ZBED6: variants seen among roughly 807,000 people sequenced by gnomAD.
The protein encoded by ZBED6 is zinc finger BED domain-containing protein 6.
Under a neutral mutation model 58.4 loss-of-function variants are expected in ZBED6, and 40 were observed. The ratio of observed to expected loss-of-function variants is 0.68; its 90% CI spans 0.53 to 0.89. The LOEUF (loss-of-function observed/expected upper bound fraction) is 0.89, where lower values mean the gene tolerates loss of function less well. ZBED6 is among the 40% of genes least tolerant of loss of function. ZBED6 has a pLI of 0.00. For synonymous variants in ZBED6, 439 were observed against 350.6 expected (o/e 1.25, Z -2.82); for missense variants, 1,057 against 1,003.9 (o/e 1.05, Z -0.71).
exon 14 of ZBED6, chr1:203,850,010 G>C (rs780865480): frequency 1.2e-6 from 2 of 1,611,802 alleles, no homozygotes; most frequent in South Asian, 2.2e-5. Flanking sequence ...CACAGACCTT[G>C]GAAAAAAGGG....
intron 3 of ZBED6, among the ~76,000 whole-genome samples, chr1:203,820,355 T>TA (rs1678141219): frequency 6.6e-6 from 1 of 152,110 alleles, no homozygotes; most frequent in Non-Finnish European, 1.5e-5. Context: ...CCTTAACACT[T>TA]ATGGTAGCTA....
intron 3 of ZBED6, among the ~76,000 whole-genome samples, chr1:203,821,081 G>C (rs1678504375): frequency 6.6e-6 from 1 of 152,096 alleles, no homozygotes; most frequent in Non-Finnish European, 1.5e-5. Context: ...GTTAAGGGAG[G>C]GACCTGATGG....
At chr1:203,826,129 C>CTAAAAAATATGT (rs1680432301) in intron 3 of ZBED6, among the ~76,000 whole-genome samples, 5 of 152,122 alleles carry the variant, frequency 3.3e-5, no homozygotes, top group Non-Finnish European at 7.4e-5. Context: ...AATTGTTATT[C>CTAAAAAATATGT]CTGTCTAAAA....
At chr1:203,839,338 C>A (rs1379862031) in intron 10 of ZBED6, among the ~76,000 whole-genome samples, 23 of 152,282 alleles carry the variant, frequency 1.5e-4, no homozygotes, top group Non-Finnish European at 2.4e-4. Flanking sequence ...TATTGCGCCC[C>A]TCAGGGAATT....
intron 8 of ZBED6, 152 bp from the exon 9 acceptor site, chr1:203,833,639 T>TA (rs1295182507): frequency 2.6e-5 from 11 of 424,970 alleles, no homozygotes; most frequent in Admixed American, 4.5e-5. Context: ...TTTTTTTTGA[T>TA]ATAATGGCCT....
chr1:203,827,118 TG>T (rs2102978725), intron 3 of ZBED6, among the ~76,000 whole-genome samples: 1 of 152,306 alleles, frequency 6.6e-6, no homozygotes, highest in South Asian at 2.1e-4. Context: ...AGTATAGCAA[TG>T]GTTTATTCCT....
At chr1:203,844,252 C>T (rs1258887115) in intron 11 of ZBED6, among the ~76,000 whole-genome samples, 1 of 152,160 alleles carries the variant, frequency 6.6e-6, no homozygotes, top group Non-Finnish European at 1.5e-5. Flanking sequence ...ACCTCTGCCT[C>T]CCAGGTTAAA....
At chr1:203,810,352 T>A (rs570069689) in intron 1 of ZBED6, among the ~76,000 whole-genome samples, 1 of 152,142 alleles carries the variant, frequency 6.6e-6, no homozygotes, top group East Asian at 1.9e-4. Context: ...ATAAAGATGA[T>A]ATATAAAGAA....
chr1:203,813,200 T>G (rs1437348247), intron 1 of ZBED6, among the ~76,000 whole-genome samples: 1 of 151,302 alleles, frequency 6.6e-6, no homozygotes, highest in Non-Finnish European at 1.5e-5. Flanking sequence ...AATGTTTTTT[T>G]GTTTTTTGTT....
intron 6 of ZBED6, 37 bp downstream of exon 6, chr1:203,829,933 GTTGAAA>G: frequency 6.4e-7 from 1 of 1,564,524 alleles, no homozygotes; most frequent in Non-Finnish European, 8.8e-7. Flanking sequence ...TTATAGCACT[GTTGAAA>G]CTACCTTTGA....
At chr1:203,798,699 C>G in exon 1 of ZBED6, 2 of 1,536,054 alleles carry the variant, frequency 1.3e-6, no homozygotes, top group South Asian at 1.2e-5. Flanking sequence ...CACTCTGATG[C>G]GTGCGCAGGA....
intron 14 of ZBED6, 191 bp downstream of exon 14, chr1:203,850,217 T>G: frequency 1.5e-6 from 1 of 673,576 alleles, no homozygotes; most frequent in Non-Finnish European, 2.5e-6. Context: ...GAATTTAAAA[T>G]TGCTATTTAA....
chr1:203,804,157 T>G lies in ZBED6; in HGVS notation c.*2554+1141T>G, dbSNP rs868848106. On this transcript the variant is annotated intron_variant, in intron 1 of 16. Transcript: ENST00000550078. ...CATTTTCTTCCTGTATATGTGTTTT[T>G]TTTTTTTTTTTTGAGACAGAGTCTC... 5.3e-5 allele frequency among the ~76,000 whole-genome samples: 8 copies of G among 149,598 alleles called. No homozygotes were observed. The South Asian group carries it at 1.1e-3, about 20-fold the overall frequency.
exon 1 of ZBED6, chr1:203,800,292 C>T (rs1250220371): frequency 2.2e-6 from 2 of 922,060 alleles, no homozygotes; most frequent in East Asian, 2.6e-5. Flanking sequence ...TAAAAATAGC[C>T]ACTTTCATCC....
chr1:203,815,213 T>TTC (rs1263390692), intron 1 of ZBED6, among the ~76,000 whole-genome samples: 1 of 51,898 alleles, frequency 1.9e-5, no homozygotes, highest in East Asian at 1.2e-3. Flanking sequence ...TTCCTTTTCT[T>TTC]TTCTTTTTTT....
exon 14 of ZBED6, chr1:203,849,938 C>T (rs1386340445): frequency 2.1e-5 from 34 of 1,613,874 alleles, no homozygotes; most frequent in Non-Finnish European, 2.2e-5. Context: ...CAAAGTCATC[C>T]CAGAAGGTGG....
intron 16 of ZBED6, among the ~76,000 whole-genome samples, chr1:203,851,797 TAATAAAAATCAAAGA>T (rs1257367863): frequency 5.8e-4 from 86 of 149,102 alleles, no homozygotes; most frequent in African/African-American, 1.9e-3. Flanking sequence ...GTCTTGTCTC[TAATAAAAATCAAAGA>T]AATAAAAAAA....
chr1:203,823,169 A>G (rs2102906790), intron 3 of ZBED6, among the ~76,000 whole-genome samples: 1 of 152,304 alleles, frequency 6.6e-6, no homozygotes, highest in South Asian at 2.1e-4. Context: ...GCATCTCTTC[A>G]TTTAGAGATT....
chr1:203,817,815 T>C, intron 2 of ZBED6, among the ~76,000 whole-genome samples: 1 of 151,984 alleles, frequency 6.6e-6, no homozygotes, highest in East Asian at 1.9e-4. Flanking sequence ...TGCAGTGGTA[T>C]GGTCTTGGCT....
Sources: allele counts gnomAD v4.1 joint callset (sites outside exome capture counted in the v4.1 genomes callset), GRCh38; gene constraint gnomAD v4.1.1; transcripts MANE v1.5; gene names NCBI Gene and HGNC (gene_info 2026-07-23, HGNC 2026-07-21).